ZNF710: variants seen among roughly 807,000 people sequenced by gnomAD.
The protein encoded by ZNF710 is zinc finger protein 710.
A neutral mutation model predicts 50.6 loss-of-function variants in ZNF710; 13 were observed. The ratio of observed to expected loss-of-function variants is 0.26; its 90% confidence interval spans 0.17 to 0.41. ZNF710 has a LOEUF of 0.41. Ranked by LOEUF, ZNF710 falls within the 10% of genes least tolerant of loss-of-function variation. The pLI is 1.00. For synonymous variants in ZNF710, 383 were observed against 397.0 expected (o/e 0.96, Z 0.42); for missense variants, 721 against 936.6 (o/e 0.77, Z 3.01).
intron 2 of ZNF710, among the ~76,000 whole-genome samples, chr15:90,070,026 C>T (rs892368670): frequency 6.6e-6 from 1 of 152,182 alleles, no homozygotes; most frequent in Non-Finnish European, 1.5e-5. Context: ...CTCCCCATAA[C>T]GGTGGCCTAT....
intron 1 of ZNF710, among the ~76,000 whole-genome samples, chr15:90,037,716 C>T (rs1899171416): frequency 6.6e-6 from 1 of 152,232 alleles, no homozygotes; most frequent in Non-Finnish European, 1.5e-5. Context: ...TCATAAGCAT[C>T]GCAGGCTGGA....
Position 90,067,395 on chromosome 15 carries a change from G to A in ZNF710, c.258G>A (p.Glu86=). ...LEEPAEEEVL[E]VEAACEKHTR... The stretch of plus-strand genomic sequence containing the variant: ...AGCCGGCGGAGGAGGAGGTGCTGGA[G>A]GTGGAGGCAGCCTGTGAGAAGCACA... The change falls in exon 2 of 5, where the codon GAG becomes GAA. Residue 86 remains glutamate (E), a synonymous_variant. Coordinates refer to ENST00000268154, the MANE Select transcript of ZNF710 (RefSeq NM_198526.4). This position sits in a 1 kb window ranked among gnomAD's most constrained non-coding sequence, Gnocchi z 8.1. 1 of 1,598,310 alleles carries A rather than the reference G, an allele frequency of 6.3e-7. No individual in the cohort carries two copies. The highest frequency in any genetic ancestry group is 8.5e-7 in the Non-Finnish European group (1 of 1,172,256).
upstream of ZNF710, among the ~76,000 whole-genome samples, chr15:89,998,620 C>G (rs1350707961): frequency 2.0e-5 from 3 of 152,182 alleles, no homozygotes; most frequent in African/African-American, 7.2e-5. Context: ...CGGGGCACTA[C>G]CCAGTCACTC....
At chr15:90,003,431 G>A (rs538388603) in intron 1 of ZNF710, among the ~76,000 whole-genome samples, 1 of 152,312 alleles carries the variant, frequency 6.6e-6, no homozygotes, top group South Asian at 2.1e-4. Flanking sequence ...AGCCAGCTTT[G>A]AAGCTGCCCT....
upstream of ZNF710, among the ~76,000 whole-genome samples, chr15:90,001,109 GA>G (rs2151451230): frequency 6.6e-6 from 1 of 152,226 alleles, no homozygotes; most frequent in South Asian, 2.1e-4. Flanking sequence ...GAAGAAGGAA[GA>G]AAAGAGGGAA....
intron 4 of ZNF710, chr15:90,075,460 T>A (rs1900561896): frequency 6.6e-6 from 1 of 152,210 alleles, no homozygotes; most frequent in Non-Finnish European, 1.5e-5. Flanking sequence ...AGTTCAAGGC[T>A]GTAGTGAACT....
rs75824673 is a variant in ZNF710 at position 90,058,967 on chromosome 15, G to A, written c.-28-8143G>A. Reference sequence around the variant, plus strand: ...TCATCTGCTTTTCTTAAAGTCAACCGATTGTAAATGTGAGTCACATCTACA... The same window carrying A: ...TCATCTGCTTTTCTTAAAGTCAACCAATTGTAAATGTGAGTCACATCTACA... On this transcript the variant is annotated intron_variant, in intron 1 of 4. Transcript: ENST00000268154. Among the ~76,000 whole-genome samples, 10 of 152,212 alleles carry A rather than the reference G, an allele frequency of 6.6e-5. No individual in the cohort carries two copies. In the East Asian group the frequency reaches 1.9e-3, roughly 29 times the overall value.
chr15:90,037,889 G>C (rs1333238902), intron 1 of ZNF710, among the ~76,000 whole-genome samples: 2 of 152,214 alleles, frequency 1.3e-5, no homozygotes, highest in Admixed American at 6.5e-5. Flanking sequence ...TAAGAGACAG[G>C]CTTGAGCAGG....
intron 1 of ZNF710, among the ~76,000 whole-genome samples, chr15:90,041,766 G>C (rs1445898795): frequency 2.0e-5 from 3 of 152,200 alleles, no homozygotes; most frequent in African/African-American, 4.8e-5. Context: ...ACAGGAGCTG[G>C]ATGGCACATG....
intron 1 of ZNF710, among the ~76,000 whole-genome samples, chr15:90,064,345 A>G (rs1900104178): frequency 6.6e-6 from 1 of 152,350 alleles, no homozygotes; most frequent in East Asian, 1.9e-4. Context: ...TTATTGTACA[A>G]ATGAATGAAT....
intron 1 of ZNF710, among the ~76,000 whole-genome samples, chr15:90,026,269 CA>C (rs777122257): frequency 3.2e-4 from 38 of 119,172 alleles, no homozygotes; most frequent in South Asian, 1.7e-3. Context: ...ACAACAACAA[CA>C]AAAAAAAAAA....
intron 4 of ZNF710, chr15:90,076,077 T>A (rs1485890227): frequency 6.6e-6 from 1 of 152,198 alleles, no homozygotes; most frequent in African/African-American, 2.4e-5. Context: ...AGACGCTGCC[T>A]TTCCCACAAG....
chr15:90,073,428 G>C (rs112554427), intron 3 of ZNF710, among the ~76,000 whole-genome samples, 166 bp downstream of exon 3: 2 of 152,230 alleles, frequency 1.3e-5, no homozygotes, highest in Admixed American at 6.5e-5. Context: ...GAGGGCAGGC[G>C]GGGATTCACA....
rs764069406 is a variant in ZNF710 at position 90,067,911 on chromosome 15, G to A, written c.774G>A (p.Thr258=). Residue 258 remains threonine, a synonymous_variant, in exon 2 of 5, where the codon ACG becomes ACA. Coordinates refer to ENST00000268154, the MANE Select transcript of ZNF710 (RefSeq NM_198526.4). The surrounding 1 kb of genome is among the most constrained non-coding windows in gnomAD (Gnocchi z 8.1). ...AGGCCAGTGAGTTCGAGGCTGACAC[G>A]GCGGGTTCGACCGTGGAACGCCACA... ...WQEASEFEAD[T]AGSTVERHKK... is the part of the protein sequence containing the mutation. The A allele has an allele frequency of 1.6e-5, 26 of 1,610,166 alleles. No homozygotes were observed. The highest frequency in any genetic ancestry group is 8.8e-5 in the South Asian group (8 of 90,898).
chr15:90,072,814 G>A (rs1166520511), intron 2 of ZNF710, among the ~76,000 whole-genome samples: 2 of 152,178 alleles, frequency 1.3e-5, no homozygotes, highest in African/African-American at 4.8e-5. Flanking sequence ...GGAGACAGCA[G>A]GTATCTGGAT....
intron 1 of ZNF710, among the ~76,000 whole-genome samples, chr15:90,060,057 G>C (rs1340088490): frequency 6.6e-6 from 1 of 151,792 alleles, no homozygotes; most frequent in East Asian, 1.9e-4. Flanking sequence ...GTTGGGTCCT[G>C]AACTGCCTCC....
At chr15:90,075,731 T>C (rs1900571293) in intron 4 of ZNF710, 1 of 151,982 alleles carries the variant, frequency 6.6e-6, no homozygotes, top group South Asian at 2.1e-4. Context: ...GGTATCTCAG[T>C]TGTTTTGTTT....
intron 2 of ZNF710, 147 bp from the exon 3 acceptor site, chr15:90,072,924 A>C (rs915362861): frequency 7.5e-6 from 6 of 804,968 alleles, no homozygotes; most frequent in Non-Finnish European, 1.2e-5. Context: ...AGTGTTACCT[A>C]TTTTGGAATA....
At chr15:90,038,291 C>T (rs1056034663) in intron 1 of ZNF710, among the ~76,000 whole-genome samples, 3 of 152,224 alleles carry the variant, frequency 2.0e-5, no homozygotes, top group Admixed American at 6.5e-5. Flanking sequence ...AACTCACCCA[C>T]GTGGTGTGTT....
Sources: gnomAD v4.1 joint callset for allele counts (sites outside exome capture counted in the v4.1 genomes callset) on GRCh38, gnomAD v4.1.1 for gene constraint, Gnocchi (gnomAD v3.1) non-coding constraint, MANE v1.5 for transcripts, NCBI Gene and HGNC (gene_info 2026-07-23, HGNC 2026-07-21) for gene names.